SMIM36: variants seen among roughly 807,000 people sequenced by gnomAD.
SMIM36 encodes small integral membrane protein 36.
chr17:55,523,469 G>T, the SMIM36 span, among the ~76,000 whole-genome samples: 1 of 151,294 alleles, frequency 6.6e-6, no homozygotes, highest in Non-Finnish European at 1.5e-5. Flanking sequence ...GGCGGAGGTT[G>T]CAGTGAGCTG....
the SMIM36 span, among the ~76,000 whole-genome samples, chr17:55,523,530 A>G: frequency 8.7e-6 from 1 of 114,380 alleles, no homozygotes; most frequent in Non-Finnish European, 1.6e-5. Flanking sequence ...ACTCCGTCTC[A>G]AAAAAAAAAA....
At chr17:55,531,743 A>G in the SMIM36 span, among the ~76,000 whole-genome samples, 1 of 152,244 alleles carries the variant, frequency 6.6e-6, no homozygotes, top group Non-Finnish European at 1.5e-5. Context: ...ACTGTTTTAC[A>G]TAAACATGGA....
intron 3 of SMIM36, 90 bp downstream of exon 3, chr17:55,478,672 C>T (rs1412906393): frequency 6.6e-6 from 1 of 152,172 alleles, no homozygotes; most frequent in Non-Finnish European, 1.5e-5. Context: ...CAGAAGCTTA[C>T]AAGGAAGCCT....
intron 1 of SMIM36, among the ~76,000 whole-genome samples, chr17:55,486,390 G>C (rs745669872): frequency 6.6e-6 from 1 of 152,114 alleles, no homozygotes; most frequent in Non-Finnish European, 1.5e-5. Context: ...GAACAGATGA[G>C]GTTTACCTTG....
intron 4 of SMIM36, among the ~76,000 whole-genome samples, chr17:55,455,352 C>T: frequency 6.6e-6 from 1 of 151,632 alleles, no homozygotes; most frequent in Non-Finnish European, 1.5e-5. Flanking sequence ...CTATTCCTCT[C>T]CCACCACCCC....
chr17:55,501,669 A>C (rs1287401617), intron 1 of SMIM36, among the ~76,000 whole-genome samples: 11 of 145,418 alleles, frequency 7.6e-5, no homozygotes, highest in African/African-American at 2.8e-4. Context: ...TATATAATAT[A>C]TATATTTTAT....
chr17:55,529,535 A>G, the SMIM36 span, among the ~76,000 whole-genome samples: 4 of 152,100 alleles, frequency 2.6e-5, no homozygotes, highest in Non-Finnish European at 5.9e-5. Context: ...TGGGAGGCTG[A>G]GGCGGGCAGA....
In SMIM36 at chr17:55,464,602, T is replaced by A. The variant is rs534855375; in HGVS notation, c.*531+2543A>T. Among the ~76,000 whole-genome samples, 4 of 152,336 alleles carry A rather than the reference T, an allele frequency of 2.6e-5. No homozygotes were observed. The South Asian group carries it at 8.3e-4, about 32-fold the overall frequency. Reference sequence around the variant, plus strand: ...AGAAGGAAAGTCTTCAACTCAGGTTTAAAAGGCACAGGATAAGAAACATAG... The same window carrying A: ...AGAAGGAAAGTCTTCAACTCAGGTTAAAAAGGCACAGGATAAGAAACATAG... On this transcript the variant is annotated intron_variant, in intron 4 of 4. Coordinates refer to ENST00000636752, the Ensembl canonical transcript of SMIM36.
intron 4 of SMIM36, among the ~76,000 whole-genome samples, chr17:55,451,570 T>C (rs566856370): frequency 6.6e-6 from 1 of 152,190 alleles, no homozygotes; most frequent in Non-Finnish European, 1.5e-5. Context: ...TCTTCTCTTG[T>C]CACTAGATTA....
chr17:55,487,951 C>T (rs1356029346), intron 1 of SMIM36, among the ~76,000 whole-genome samples: 2 of 152,190 alleles, frequency 1.3e-5, no homozygotes, highest in African/African-American at 4.8e-5. Flanking sequence ...AGGCTGCTAG[C>T]TGAGTCTGAT....
chr17:55,516,659 A>C, the SMIM36 span, among the ~76,000 whole-genome samples: 1 of 149,874 alleles, frequency 6.7e-6, no homozygotes, highest in African/African-American at 2.5e-5. Flanking sequence ...CCCGGTTTCA[A>C]GCAATTCTCC....
intron 3 of SMIM36, among the ~76,000 whole-genome samples, chr17:55,473,796 G>A (rs899688148): frequency 2.6e-5 from 4 of 152,054 alleles, no homozygotes; most frequent in East Asian, 1.9e-4. Flanking sequence ...CAGATAAGGC[G>A]GGAGACCACC....
At chr17:55,488,448 T>A (rs573678076) in intron 1 of SMIM36, among the ~76,000 whole-genome samples, 33 of 152,186 alleles carry the variant, frequency 2.2e-4, no homozygotes, top group Admixed American at 4.6e-4. Flanking sequence ...TTTCCCAGGG[T>A]TTAATACTGT....
chr17:55,465,942 T>C (rs1318036881), intron 4 of SMIM36, among the ~76,000 whole-genome samples: 1 of 152,020 alleles, frequency 6.6e-6, no homozygotes, highest in Non-Finnish European at 1.5e-5. Flanking sequence ...TATAATGGGA[T>C]TCCAGTAGGG....
chr17:55,492,391 C>A (rs1265914944), intron 1 of SMIM36, among the ~76,000 whole-genome samples: 4 of 150,832 alleles, frequency 2.7e-5, no homozygotes, highest in African/African-American at 9.7e-5. Flanking sequence ...TACAGGCTTG[C>A]GCCACCAAGC....
intron 1 of SMIM36, among the ~76,000 whole-genome samples, chr17:55,490,394 C>A (rs917294628): frequency 2.6e-5 from 4 of 152,106 alleles, no homozygotes; most frequent in Non-Finnish European, 4.4e-5. Context: ...TTTGACATCT[C>A]ATGAATTTAT....
chr17:55,525,438 TCTC>T, the SMIM36 span, among the ~76,000 whole-genome samples: 1 of 152,160 alleles, frequency 6.6e-6, no homozygotes, highest in African/African-American at 2.4e-5. Context: ...ACATTACCCT[TCTC>T]CTCTGAAAAT....
chr17:55,494,938 G>A (rs146175835), intron 1 of SMIM36, among the ~76,000 whole-genome samples: 1 of 152,260 alleles, frequency 6.6e-6, no homozygotes, highest in Non-Finnish European at 1.5e-5. Context: ...TATAAAGTTG[G>A]GAAGATGACA....
At chr17:55,527,969 C>T in the SMIM36 span, 9 of 152,258 alleles carry the variant, frequency 5.9e-5, no homozygotes, top group Non-Finnish European at 1.0e-4. Flanking sequence ...TTCATGCTGG[C>T]CTTTTCCTGA....
Sources: allele counts gnomAD v4.1 joint callset (sites outside exome capture counted in the v4.1 genomes callset), GRCh38; gene constraint gnomAD v4.1.1; transcripts MANE v1.5; gene names NCBI Gene and HGNC (gene_info 2026-07-23, HGNC 2026-07-21).